Variants in COL13A1 observed in about 807,000 individuals in gnomAD.
COL13A1 encodes collagen type XIII alpha 1 chain.
COL13A1 carries 89 observed loss-of-function variants against 130.9 expected under a neutral mutation model. The observed-to-expected ratio is 0.68, with a 90% CI of 0.57 to 0.81. COL13A1 has a LOEUF of 0.81. Among genes scored for constraint, COL13A1 ranks in the 30% least tolerant of loss-of-function variants. The pLI is 0.00. For missense variants in COL13A1, 879 were observed against 934.6 expected, an observed-to-expected ratio of 0.94 and a Z score of 0.78; for synonymous variants, 402 against 341.6, an observed-to-expected ratio of 1.18 and a Z score of -1.95.
chr10:69,884,747 C>T (rs1187319523), intron 7 of COL13A1, among the ~76,000 whole-genome samples: 1 of 152,014 alleles, frequency 6.6e-6, no homozygotes, highest in Non-Finnish European at 1.5e-5. Flanking sequence ...GATCCTAATC[C>T]CTGTGCGTGT....
At chr10:69,944,856 A>C (rs1419776106) in intron 36 of COL13A1, among the ~76,000 whole-genome samples, 1 of 152,142 alleles carries the variant, frequency 6.6e-6, no homozygotes, top group African/African-American at 2.4e-5. Flanking sequence ...TGATTTAGGG[A>C]AACTGCATGG....
At chr10:69,841,222 T>C (rs1851528372) in intron 2 of COL13A1, among the ~76,000 whole-genome samples, 1 of 152,188 alleles carries the variant, frequency 6.6e-6, no homozygotes, top group Non-Finnish European at 1.5e-5. Flanking sequence ...CCCTTCCGAT[T>C]TGGCCTTAGT....
chr10:69,904,314 A>C (rs2062506088), intron 15 of COL13A1, among the ~76,000 whole-genome samples: 1 of 152,204 alleles, frequency 6.6e-6, no homozygotes, highest in Admixed American at 6.5e-5. Flanking sequence ...AACCAAAAAA[A>C]GAAAACCAGA....
intron 2 of COL13A1, among the ~76,000 whole-genome samples, chr10:69,852,100 T>G (rs1221965629): frequency 6.6e-6 from 1 of 152,148 alleles, no homozygotes; most frequent in African/African-American, 2.4e-5. Context: ...TCCCTTGGAC[T>G]CTCTCGTGCC....
At position 69,889,432 on chromosome 10, in the gene COL13A1, G is replaced by A; in HGVS notation, c.595G>A (p.Gly199Ser). ...CTTCCAGGGCCACCCAGGACCAAAG[G>A]GCGACATGGTAAGAGCCCAGCTTTC... Reference protein sequence around the residue: ...DGKPGHPGPKGDMGLTGPPGQ... With the variant: ...DGKPGHPGPKSDMGLTGPPGQ... Residue 199 changes from glycine (G) to serine (S), a missense_variant, in exon 10 of 41, where the codon GGC (glycine) becomes AGC (serine). Coordinates refer to ENST00000645393, the MANE Select transcript of COL13A1 (RefSeq NM_001368882.1). 1 of 1,611,936 alleles carries A rather than the reference G, an allele frequency of 6.2e-7. No homozygotes were observed. Among genetic ancestry groups the A allele is most frequent in the Non-Finnish European group, 8.5e-7 (1 of 1,179,226 alleles).
At chr10:69,833,761 C>T (rs866594674) in intron 2 of COL13A1, among the ~76,000 whole-genome samples, 1 of 152,098 alleles carries the variant, frequency 6.6e-6, no homozygotes, top group Non-Finnish European at 1.5e-5. Flanking sequence ...CACACACACC[C>T]CCACACCCCA....
intron 7 of COL13A1, among the ~76,000 whole-genome samples, chr10:69,883,471 G>A (rs1051432051): frequency 1.3e-5 from 2 of 152,180 alleles, no homozygotes; most frequent in Non-Finnish European, 2.9e-5. Context: ...TTTGTTAAGA[G>A]CCCAGTGCCT....
In COL13A1 at chr10:69,930,419, G is replaced by T. The variant is rs1239349804; in HGVS notation, c.1550G>T (p.Gly517Val). 1.2e-6 allele frequency: 2 copies of T among 1,609,640 alleles called. No homozygotes were observed. Among genetic ancestry groups the T allele is most frequent in the Non-Finnish European group, 1.7e-6 (2 of 1,178,762 alleles). The change falls in exon 30 of 41, where the codon GGA becomes GTA. Residue 517 changes from glycine (G) to valine (V), a missense_variant. Gly to Val is a moderately radical substitution (Grantham distance 109). Transcript: ENST00000645393. Reference protein sequence around the residue: ...DGEKGPRGKPGDMGPPGPQGP... With the variant: ...DGEKGPRGKPVDMGPPGPQGP... ...CTAAAGGGACCTCGCGGTAAACCAGGAGACATGGGCCCTCCTGGTCCCCAA... is the reference window on the plus strand; with the variant it reads ...CTAAAGGGACCTCGCGGTAAACCAGTAGACATGGGCCCTCCTGGTCCCCAA...
Position 69,905,813 on chromosome 10 carries a change from C to A in COL13A1, c.912C>A (p.His304Gln). 1 of 1,613,636 alleles carries A rather than the reference C, an allele frequency of 6.2e-7. No individual in the cohort carries two copies. The highest frequency in any genetic ancestry group is 1.1e-5 in the South Asian group (1 of 90,940). ...GAGACCCAGGGATCCAGGGCTACCA[C>A]GGCCGGAAGGTAAGATGGAGGGGGA... ...PKGDPGIQGY[H>Q]GRKGERGMPG... Residue 304 changes from histidine to glutamine, a missense_variant, in exon 17 of 41, where the codon CAC becomes CAA. By Grantham distance (24) the His-to-Gln change is conservative (BLOSUM62 0). This residue lies in a region of COL13A1 where 715 missense variants were observed against 721.0 expected (regional missense o/e 0.99). Transcript: ENST00000645393.
chr10:69,920,572 G>C (rs549362946), intron 21 of COL13A1, among the ~76,000 whole-genome samples: 3 of 152,190 alleles, frequency 2.0e-5, no homozygotes, highest in African/African-American at 7.2e-5. Flanking sequence ...CTAGAAGAAG[G>C]GGAAGAAAGA....
intron 2 of COL13A1, among the ~76,000 whole-genome samples, chr10:69,848,485 C>T (rs945440471): frequency 1.3e-5 from 2 of 152,188 alleles, no homozygotes; most frequent in Non-Finnish European, 2.9e-5. Context: ...TTAAGAGTTG[C>T]TGGGATCTGA....
At position 69,902,730 on chromosome 10, in the gene COL13A1, C is replaced by G; in HGVS notation, c.751-18C>G. 6.5e-7 allele frequency: 1 copy of G among 1,541,664 alleles called. No homozygotes were observed. The highest frequency in any genetic ancestry group is 1.4e-5 in the African/African-American group (1 of 72,590). On this transcript the variant is annotated intron_variant, in intron 14 of 40. Coordinates refer to ENST00000645393, the MANE Select transcript of COL13A1 (RefSeq NM_001368882.1). ...CTCTGGGGGCCTTCCCTCTAACATT[C>G]GTTTCCATGAACCTCAGGGCGAACA...
chr10:69,881,997 G>A (rs960434971), intron 7 of COL13A1, among the ~76,000 whole-genome samples: 3 of 152,174 alleles, frequency 2.0e-5, no homozygotes, highest in African/African-American at 4.8e-5. Context: ...TGTCACTGTC[G>A]CATGTGCTCC....
At chr10:69,840,153 G>A (rs1224717885) in intron 2 of COL13A1, among the ~76,000 whole-genome samples, 3 of 152,192 alleles carry the variant, frequency 2.0e-5, no homozygotes, top group Non-Finnish European at 2.9e-5. Context: ...GAGAAACCAG[G>A]CAGAGCTGAA....
chr10:69,916,055 A>G (rs3793831), intron 17 of COL13A1, among the ~76,000 whole-genome samples: 5,851 of 152,304 alleles, frequency 0.038, 228 homozygotes, highest in East Asian at 0.19. Context: ...GGACACTTGC[A>G]TGGAAGACCC....
chr10:69,899,527 C>CT (rs1380125180), intron 14 of COL13A1, among the ~76,000 whole-genome samples: 3 of 152,210 alleles, frequency 2.0e-5, no homozygotes, highest in African/African-American at 7.2e-5. Context: ...GACCTACCTC[C>CT]TCTCTACTTA....
At chr10:69,944,958 C>G (rs114292867) in intron 36 of COL13A1, among the ~76,000 whole-genome samples, 1 of 152,236 alleles carries the variant, frequency 6.6e-6, no homozygotes, top group Non-Finnish European at 1.5e-5. Context: ...CGGTCGCTGT[C>G]GATGGACGTT....
chr10:69,897,590 C>T, intron 13 of COL13A1: 3 of 1,579,076 alleles, frequency 1.9e-6, no homozygotes, highest in Non-Finnish European at 1.7e-6. Flanking sequence ...CCTGAACATA[C>T]AGCCCAACAT....
At chr10:69,834,206 G>A (rs140562684) in intron 2 of COL13A1, among the ~76,000 whole-genome samples, 197 of 152,262 alleles carry the variant, frequency 1.3e-3, no homozygotes, top group African/African-American at 4.6e-3. Flanking sequence ...CCTCGCATGC[G>A]CAGTCTGCAA....
Sources: gnomAD v4.1 joint callset for allele counts (sites outside exome capture counted in the v4.1 genomes callset) on GRCh38, gnomAD v4.1.1 for gene constraint, gnomAD v4.1.1 regional missense constraint, MANE v1.5 for transcripts, NCBI Gene and HGNC (gene_info 2026-07-23, HGNC 2026-07-21) for gene names.